The following VPS13A variants were observed in gnomAD, a reference collection of about 807,000 sequenced individuals.
The protein encoded by VPS13A is vacuolar protein sorting 13 homolog A, also known as intermembrane lipid transfer protein VPS13A.
A neutral mutation model predicts 390.9 loss-of-function variants in VPS13A; 264 were observed. The observed-to-expected ratio is 0.68, with a 90% CI of 0.61 to 0.75. The LOEUF is 0.75. VPS13A is among the 30% of genes least tolerant of loss of function. VPS13A has a pLI of 0.00. For synonymous variants in VPS13A, 1,231 were observed against 1,227.1 expected (o/e 1.00, Z -0.07); for missense variants, 3,409 against 3,733.9 (o/e 0.91, Z 2.27).
intron 33 of VPS13A, among the ~76,000 whole-genome samples, chr9:77,297,586 G>A (rs1828091988): frequency 1.3e-5 from 2 of 151,164 alleles, no homozygotes; most frequent in Admixed American, 1.3e-4. Context: ...TTTTGGGGGG[G>A]CAGGGTTGTT....
chr9:77,406,142 G>T (rs201825872), intron 70 of VPS13A, among the ~76,000 whole-genome samples, 155 bp downstream of exon 70: 2 of 120,118 alleles, frequency 1.7e-5, no homozygotes, highest in Admixed American at 1.7e-4. Context: ...CAGGCTTAAA[G>T]GAAAAAAAAA....
chr9:77,296,955 C>T (rs1021316573), intron 33 of VPS13A, among the ~76,000 whole-genome samples: 1 of 152,064 alleles, frequency 6.6e-6, no homozygotes, highest in Non-Finnish European at 1.5e-5. Flanking sequence ...TCATAATGCT[C>T]CTTATTTATT....
rs1835265798 is a variant in VPS13A at position 77,419,125 on chromosome 9, A to ATCTT, written c.*3121_*3124dup. ...GGCTCAGCCAACACAGTTCAGAGGA[A>ATCTT]TCTTTTCGGCTTCCAGGGCATTGCT... is the stretch of plus-strand genomic sequence containing the variant. On this transcript the variant is annotated 3_prime_UTR_variant, in exon 72 of 72. Coordinates refer to ENST00000360280, the MANE Select transcript of VPS13A (RefSeq NM_033305.3). The ATCTT allele has an allele frequency of 1.3e-5, 2 of 152,312 alleles. No individual in the cohort carries two copies. Among genetic ancestry groups the ATCTT allele is most frequent in the Admixed American group, 1.3e-4 (2 of 15,298 alleles). The allele number at this position is 152,312 out of a possible 1,614,324, so 9.4% of individuals were successfully genotyped here.
chr9:77,250,647 A>T (rs1825102951), intron 21 of VPS13A, among the ~76,000 whole-genome samples: 1 of 152,232 alleles, frequency 6.6e-6, no homozygotes, highest in Non-Finnish European at 1.5e-5. Context: ...ACAGTTGGAT[A>T]ACCAGAAGAC....
intron 34 of VPS13A, among the ~76,000 whole-genome samples, chr9:77,305,132 A>G (rs1006967988): frequency 5.2e-4 from 79 of 151,814 alleles, no homozygotes; most frequent in Middle Eastern, 6.8e-3. Context: ...TAGAGACGGG[A>G]TTTCACCGTG....
chr9:77,379,088 T>C (rs1022485915), intron 67 of VPS13A, among the ~76,000 whole-genome samples: 1 of 145,016 alleles, frequency 6.9e-6, no homozygotes, highest in Non-Finnish European at 1.5e-5. Context: ...TTTTTTTTTT[T>C]TGTGAGATAG....
chr9:77,351,244 A>G (rs1831447643), intron 52 of VPS13A, 73 bp from the exon 53 acceptor site: 3 of 1,566,934 alleles, frequency 1.9e-6, no homozygotes, highest in Non-Finnish European at 2.6e-6. Flanking sequence ...TTAATGAAGT[A>G]TTATTTTAGT....
At chr9:77,370,168 A>G in intron 63 of VPS13A, 89 bp from the exon 64 acceptor site, 1 of 1,403,876 alleles carries the variant, frequency 7.1e-7, no homozygotes, top group East Asian at 2.3e-5. Context: ...CATTTTTGTT[A>G]CTACCTCTTT....
At chr9:77,318,000 A>T (rs1325692277) in intron 40 of VPS13A, among the ~76,000 whole-genome samples, 1 of 151,774 alleles carries the variant, frequency 6.6e-6, no homozygotes, top group Non-Finnish European at 1.5e-5. Context: ...TAATAATATC[A>T]TGTAATTCAT....
intron 42 of VPS13A, among the ~76,000 whole-genome samples, chr9:77,320,272 A>T (rs1292490334): frequency 6.6e-6 from 1 of 152,164 alleles, no homozygotes; most frequent in East Asian, 1.9e-4. Flanking sequence ...AGAGGCGTTA[A>T]ATCCACTCTA....
At chr9:77,209,316 T>C in intron 5 of VPS13A, 107 bp from the exon 6 acceptor site, 2 of 753,440 alleles carry the variant, frequency 2.7e-6, no homozygotes, top group Non-Finnish European at 2.3e-6. Flanking sequence ...TATTTACATA[T>C]ATATGTATAT....
At chr9:77,317,983 T>A (rs1377320889) in intron 40 of VPS13A, among the ~76,000 whole-genome samples, 1 of 150,184 alleles carries the variant, frequency 6.7e-6, no homozygotes, top group African/African-American at 2.5e-5. Flanking sequence ...CTGCAATTCA[T>A]GTATATTAAT....
At chr9:77,209,815 A>G (rs1361030367) in intron 6 of VPS13A, among the ~76,000 whole-genome samples, 1 of 152,210 alleles carries the variant, frequency 6.6e-6, no homozygotes, top group Non-Finnish European at 1.5e-5. Context: ...ACTTTAAAGT[A>G]TGCTATATTT....
At chr9:77,259,540 C>G (rs902199584) in intron 22 of VPS13A, among the ~76,000 whole-genome samples, 5 of 152,174 alleles carry the variant, frequency 3.3e-5, no homozygotes, top group Non-Finnish European at 7.4e-5. Flanking sequence ...CTTTCTCTCT[C>G]TCTCTCTGAT....
chr9:77,177,639 G>T lies in VPS13A; in HGVS notation c.-66G>T, dbSNP rs1158056881. Reference sequence around the variant, plus strand: ...TGAACCGAATTACCTCGAGGGAGGGGCGTGGGGAAGGCGGCGGGAGGAGGA... The same window carrying T: ...TGAACCGAATTACCTCGAGGGAGGGTCGTGGGGAAGGCGGCGGGAGGAGGA... On this transcript the variant is annotated 5_prime_UTR_variant, in exon 1 of 72. Transcript: ENST00000360280. 2.8e-6 allele frequency: 4 copies of T among 1,444,120 alleles called. No homozygotes were observed. The Admixed American group carries it at 5.1e-5, about 18-fold the overall frequency. 89.5% of individuals were successfully genotyped at this position (1,444,120 alleles called of 1,614,324 possible).
At chr9:77,401,329 T>TTGTGTGTGTGTGTGTG (rs4012461) in intron 68 of VPS13A, among the ~76,000 whole-genome samples, 6 of 140,432 alleles carry the variant, frequency 4.3e-5, no homozygotes, top group Non-Finnish European at 9.3e-5. Flanking sequence ...TCACATGAAG[T>TTGTGTGTGTGTGTGTG]TGTGTGTGTG....
chr9:77,410,409 A>G (rs1023964982), intron 71 of VPS13A, among the ~76,000 whole-genome samples: 1 of 152,204 alleles, frequency 6.6e-6, no homozygotes, highest in Admixed American at 6.5e-5. Context: ...ATAACCAGCT[A>G]ACATCATAAT....
rs769221114 is a variant in VPS13A, at chr9:77,323,052, A to T, written c.5831-15A>T. 34 of 1,593,686 alleles carry T rather than the reference A, an allele frequency of 2.1e-5. No homozygotes were observed. The East Asian group carries it at 7.0e-4, about 33-fold the overall frequency. On this transcript the variant is annotated splice_polypyrimidine_tract_variant and intron_variant, in intron 44 of 71. Coordinates refer to ENST00000360280, the MANE Select transcript of VPS13A (RefSeq NM_033305.3). ...AATTATAATAAAAACTTTTAAACAT[A>T]CTTACTTAATTTAGCACCTGTTAAC...
intron 24 of VPS13A, among the ~76,000 whole-genome samples, chr9:77,275,091 T>G (rs1285880933): frequency 3.9e-5 from 6 of 152,158 alleles, no homozygotes; most frequent in Non-Finnish European, 4.4e-5. Context: ...AGTTTATACC[T>G]AAGTCCTGTT....
Sources: allele counts gnomAD v4.1 joint callset (sites outside exome capture counted in the v4.1 genomes callset), GRCh38; gene constraint gnomAD v4.1.1; transcripts MANE v1.5; gene names NCBI Gene and HGNC (gene_info 2026-07-23, HGNC 2026-07-21).